The following DOCK1 variants were observed in gnomAD, a reference collection of about 807,000 sequenced individuals.
DOCK1 encodes the protein dedicator of cytokinesis 1.
Under a neutral mutation model 262.7 loss-of-function variants are expected in DOCK1, and 138 were observed. The ratio of observed to expected loss-of-function variants is 0.53; its 90% CI spans 0.46 to 0.61. DOCK1 has a LOEUF of 0.61. DOCK1 is among the 20% of genes least tolerant of loss of function. The pLI, the probability that DOCK1 is intolerant of heterozygous loss-of-function variation, is 0.00. For missense variants in DOCK1, 1,908 were observed against 2,370.7 expected, an observed-to-expected ratio of 0.80 and a Z score of 4.05; for synonymous variants, 866 against 867.4, an observed-to-expected ratio of 1.00 and a Z score of 0.03.
chr10:126,992,569 G>A (rs557959279), intron 6 of DOCK1, among the ~76,000 whole-genome samples: 4 of 152,242 alleles, frequency 2.6e-5, no homozygotes, highest in South Asian at 2.1e-4. Context: ...GATGTTTTGC[G>A]TCTTTTTCAT....
At chr10:127,274,063 T>A (rs2060659999) in intron 29 of DOCK1, among the ~76,000 whole-genome samples, 1 of 152,092 alleles carries the variant, frequency 6.6e-6, no homozygotes, top group Admixed American at 6.6e-5. Flanking sequence ...AATTCACAGG[T>A]CCTGGCATTT....
intron 48 of DOCK1, among the ~76,000 whole-genome samples, chr10:127,435,193 A>T (rs1014976151): frequency 6.6e-6 from 1 of 152,188 alleles, no homozygotes; most frequent in Non-Finnish European, 1.5e-5. Flanking sequence ...AAAAGAAAAA[A>T]ATGTTGCATG....
At chr10:127,039,658 C>T (rs1179843268) in intron 19 of DOCK1, among the ~76,000 whole-genome samples, 5 of 152,080 alleles carry the variant, frequency 3.3e-5, no homozygotes, top group African/African-American at 7.2e-5. Flanking sequence ...CTTGAGGCCA[C>T]GGGGCTGTTA....
At chr10:127,373,347 AG>A (rs11289512) in intron 33 of DOCK1, among the ~76,000 whole-genome samples, 35,177 of 152,052 alleles carry the variant, frequency 0.23, 4,738 homozygotes, top group East Asian at 0.44. Context: ...AGTGGCCCCT[AG>A]GATGTTTTCA....
intron 2 of DOCK1, among the ~76,000 whole-genome samples, chr10:126,976,288 A>G (rs567209087): frequency 6.6e-6 from 1 of 152,312 alleles, no homozygotes; most frequent in South Asian, 2.1e-4. Context: ...GGCATTTTGT[A>G]TCTGAGGTTC....
At chr10:127,262,478 T>C (rs1483524602) in intron 29 of DOCK1, among the ~76,000 whole-genome samples, 1 of 152,156 alleles carries the variant, frequency 6.6e-6, no homozygotes, top group Non-Finnish European at 1.5e-5. Context: ...TGGTCACTGA[T>C]AACTGTAACT....
At chr10:127,404,940 G>A (rs1325561088) in intron 40 of DOCK1, among the ~76,000 whole-genome samples, 1 of 152,188 alleles carries the variant, frequency 6.6e-6, no homozygotes, top group African/African-American at 2.4e-5. Context: ...TAGTGGAATT[G>A]TACAGTGTTC....
intron 27 of DOCK1, among the ~76,000 whole-genome samples, chr10:127,240,659 C>T (rs1390529509): frequency 6.6e-6 from 1 of 152,194 alleles, no homozygotes; most frequent in Non-Finnish European, 1.5e-5. Flanking sequence ...CCTCATTTTA[C>T]AACATCGTTC....
chr10:126,940,140 AG>A (rs1320646073), intron 1 of DOCK1, among the ~76,000 whole-genome samples: 3 of 152,228 alleles, frequency 2.0e-5, no homozygotes, highest in African/African-American at 7.2e-5. Context: ...TTGTAGTCTC[AG>A]TAATGGATAA....
Position 127,339,102 on chromosome 10 carries a change from C to T in DOCK1, c.3123+18C>T. On this transcript the variant is annotated intron_variant, in intron 30 of 51. Coordinates refer to ENST00000623213, the MANE Select transcript of DOCK1 (RefSeq NM_001290223.2). ...AGCTACAGGTAAGAGAAGAGGTAGA[C>T]ACGACCTTTGTGGAGAAATCATGTT... is the stretch of plus-strand genomic sequence containing the variant. The T allele has an allele frequency of 6.4e-7, 1 of 1,555,248 alleles. No homozygotes were observed. The highest frequency in any genetic ancestry group is 8.7e-7 in the Non-Finnish European group (1 of 1,147,864).
chr10:127,425,726 G>A (rs535773583), intron 46 of DOCK1, 148 bp from the exon 47 acceptor site: 1 of 1,225,398 alleles, frequency 8.2e-7, no homozygotes, highest in Non-Finnish European at 1.1e-6. Flanking sequence ...GTCTTTGGTG[G>A]TAATATGCCT....
chr10:126,941,259 G>A lies in DOCK1; in HGVS notation c.47-29443G>A, dbSNP rs1055421207. On this transcript the variant is annotated intron_variant, in intron 1 of 51. Transcript: ENST00000623213. Reference sequence around the variant, plus strand: ...GGGACAAGAGTAAGTTTGATGGGATGTATCCTGTGGTTATGAGAGGAGATG... The same window carrying A: ...GGGACAAGAGTAAGTTTGATGGGATATATCCTGTGGTTATGAGAGGAGATG... 3.8e-4 allele frequency among the ~76,000 whole-genome samples: 58 copies of A among 152,302 alleles called. 1 individual carries two copies. The East Asian group carries it at 0.01, about 27-fold the overall frequency.
intron 31 of DOCK1, among the ~76,000 whole-genome samples, chr10:127,351,033 G>A (rs569616638): frequency 1.3e-5 from 2 of 152,306 alleles, no homozygotes; most frequent in African/African-American, 4.8e-5. Flanking sequence ...CTTAGATTCA[G>A]GCTCAGGCTG....
intron 22 of DOCK1, among the ~76,000 whole-genome samples, chr10:127,060,383 A>G (rs987210646): frequency 7.2e-5 from 11 of 152,282 alleles, no homozygotes; most frequent in African/African-American, 2.6e-4. Flanking sequence ...CTTATTTACA[A>G]AACAGATCCA....
intron 29 of DOCK1, among the ~76,000 whole-genome samples, chr10:127,304,185 G>A (rs967143133): frequency 6.6e-6 from 1 of 152,140 alleles, no homozygotes; most frequent in Non-Finnish European, 1.5e-5. Context: ...CACAGGATGG[G>A]GGTGGGGGCC....
At chr10:127,256,925 C>T (rs2059845430) in intron 28 of DOCK1, among the ~76,000 whole-genome samples, 1 of 152,118 alleles carries the variant, frequency 6.6e-6, no homozygotes, top group Admixed American at 6.6e-5. Flanking sequence ...CAGTAGTATC[C>T]CGTATTCAAT....
chr10:127,433,419 G>C lies in DOCK1; in HGVS notation c.5051G>C (p.Gly1684Ala). The C allele has an allele frequency of 3.1e-6, 5 of 1,613,854 alleles. No individual in the cohort carries two copies. Among genetic ancestry groups the C allele is most frequent in the Non-Finnish European group, 3.4e-6 (4 of 1,179,872 alleles). ...LSSDSTPSRP[G>A]SDGFALEPLL... is the part of the protein sequence containing the mutation. The stretch of plus-strand genomic sequence containing the variant: ...TCGGACAGCACCCCTTCCAGACCAG[G>C]CTCCGACGGGTGAGTCAAGCTCACA... The change falls in exon 48 of 52, where the codon GGC (glycine) becomes GCC (alanine). Residue 1684 changes from glycine to alanine, a missense_variant. Transcript: ENST00000623213.
intron 29 of DOCK1, among the ~76,000 whole-genome samples, chr10:127,272,666 C>A (rs1443079991): frequency 2.0e-5 from 3 of 152,174 alleles, no homozygotes; most frequent in Non-Finnish European, 4.4e-5. Flanking sequence ...GTTGGAGGAG[C>A]ACCCCTGCAT....
At chr10:127,327,692 T>G (rs2062802776) in intron 29 of DOCK1, among the ~76,000 whole-genome samples, 1 of 152,212 alleles carries the variant, frequency 6.6e-6, no homozygotes, top group Non-Finnish European at 1.5e-5. Context: ...ATCTCTTGTA[T>G]CTTTACCATG....
Sources: allele counts gnomAD v4.1 joint callset (sites outside exome capture counted in the v4.1 genomes callset), GRCh38; gene constraint gnomAD v4.1.1; transcripts MANE v1.5; gene names NCBI Gene and HGNC (gene_info 2026-07-23, HGNC 2026-07-21).